Variants in MINK1 observed in about 807,000 individuals in gnomAD.
MINK1 encodes misshapen-like kinase 1.
In MINK1, 46 loss-of-function variants were observed where a neutral mutation model predicts 178.4. That is an observed-to-expected ratio of 0.26 (90% CI 0.20 to 0.33). MINK1 has a LOEUF of 0.33. MINK1 is among the 10% of genes least tolerant of loss of function. MINK1 has a pLI of 1.00. For missense variants in MINK1, 1,366 were observed against 1,814.9 expected, an observed-to-expected ratio of 0.75 and a Z score of 4.49; for synonymous variants, 797 against 709.7, an observed-to-expected ratio of 1.12 and a Z score of -1.96.
At chr17:4,890,804 GT>G in intron 14 of MINK1, 69 bp downstream of exon 14, 1 of 1,524,648 alleles carries the variant, frequency 6.6e-7, no homozygotes, top group Non-Finnish European at 8.9e-7. Context: ...GCCACAAGAA[GT>G]AGTAGTTCAC....
chr17:4,844,605 TG>T, intron 1 of MINK1: 1 of 505,568 alleles, frequency 2.0e-6, no homozygotes, highest in Admixed American at 2.1e-5. Context: ...GGGTTGGCAC[TG>T]GGGAGCACAT....
At chr17:4,870,447 C>T (rs1915721100) in intron 1 of MINK1, among the ~76,000 whole-genome samples, 1 of 151,966 alleles carries the variant, frequency 6.6e-6, no homozygotes, top group Non-Finnish European at 1.5e-5. Context: ...ATTTGCATTT[C>T]TCCTATTATT....
intron 20 of MINK1, 148 bp downstream of exon 20, chr17:4,893,215 TTCCTAACC>T (rs1555542913): frequency 3.1e-6 from 5 of 1,593,310 alleles, no homozygotes; most frequent in Non-Finnish European, 4.3e-6. Flanking sequence ...GTGCTAACCT[TTCCTAACC>T]TCTCTCCTAA....
chr17:4,877,284 C>G (rs936966093), intron 1 of MINK1, among the ~76,000 whole-genome samples: 2 of 152,172 alleles, frequency 1.3e-5, no homozygotes, highest in African/African-American at 4.8e-5. Context: ...GCTCTTGGCC[C>G]AGGGGGAGGA....
At chr17:4,843,142 G>A (rs190353743) in intron 1 of MINK1, among the ~76,000 whole-genome samples, 65 of 152,288 alleles carry the variant, frequency 4.3e-4, no homozygotes, top group Non-Finnish European at 8.4e-4. Context: ...TGAGCCCCAC[G>A]TGTCGAAGCA....
chr17:4,865,596 T>C (rs761588451), intron 1 of MINK1, among the ~76,000 whole-genome samples: 1 of 150,340 alleles, frequency 6.7e-6, no homozygotes, highest in Non-Finnish European at 1.5e-5. Flanking sequence ...AAAAAAACAT[T>C]AAAATAGGCT....
chr17:4,860,831 G>A, intron 1 of MINK1: 7 of 517,956 alleles, frequency 1.4e-5, no homozygotes, highest in Admixed American at 1.9e-5. Context: ...TGCGCGCCAC[G>A]TGCTGGGGAG....
chr17:4,872,330 A>T (rs539465186), intron 1 of MINK1, among the ~76,000 whole-genome samples: 188 of 127,394 alleles, frequency 1.5e-3, no homozygotes, highest in Non-Finnish European at 1.7e-3. Flanking sequence ...ACTAAGTCTT[A>T]AAAAAAAAAA....
At chr17:4,875,242 CCT>C in intron 1 of MINK1, 1 of 514,460 alleles carries the variant, frequency 1.9e-6, no homozygotes, top group Admixed American at 2.0e-5. Flanking sequence ...GTCAGAAAGA[CCT>C]CTTGTTAGCC....
intron 1 of MINK1, among the ~76,000 whole-genome samples, chr17:4,847,692 G>A (rs1388222322): frequency 9.2e-5 from 14 of 152,168 alleles, no homozygotes; most frequent in Admixed American, 9.2e-4. Context: ...TGTATGAGGT[G>A]GTGACTGTGT....
At chr17:4,841,034 G>C (rs1910140574) in intron 1 of MINK1, among the ~76,000 whole-genome samples, 1 of 152,116 alleles carries the variant, frequency 6.6e-6, no homozygotes, top group South Asian at 2.1e-4. Flanking sequence ...GAAGACCTTT[G>C]ACAGAGGAGA....
intron 1 of MINK1, among the ~76,000 whole-genome samples, chr17:4,867,065 C>T (rs1419201466): frequency 2.0e-5 from 1 of 51,280 alleles, no homozygotes; most frequent in African/African-American, 6.5e-5. Context: ...CAGAGTGAGA[C>T]TCGTCTCAAA....
rs996229297 is a variant in MINK1, at chr17:4,886,611, A to G, written c.934A>G (p.Lys312Glu). Reference protein sequence around the residue: ...LKDHIDRSRKKRGEKEETEYE... With the variant: ...LKDHIDRSRKERGEKEETEYE... ...GGACCACATTGACCGATCCCGGAAG[A>G]AGCGGGGTGAGAAAGGTCAGTGGGC... Residue 312 changes from lysine (K) to glutamate (E), a missense_variant, in exon 10 of 32, where the codon AAG (lysine) becomes GAG (glutamate). Coordinates refer to ENST00000355280, the MANE Select transcript of MINK1 (RefSeq NM_153827.5). This position sits in a 1 kb window ranked among gnomAD's most constrained non-coding sequence, Gnocchi z 6.1. 6.3e-7 allele frequency: 1 copy of G among 1,596,656 alleles called. No homozygotes were observed. Among genetic ancestry groups the G allele is most frequent in the Non-Finnish European group, 8.5e-7 (1 of 1,170,528 alleles).
Position 4,892,599 on chromosome 17 carries a change from G to A in MINK1, c.2199-57G>A. The A allele has an allele frequency of 1.9e-6, 3 of 1,548,038 alleles. No homozygotes were observed. The South Asian group carries it at 3.5e-5, about 18-fold the overall frequency. On this transcript the variant is annotated intron_variant, in intron 18 of 31. Coordinates refer to ENST00000355280, the MANE Select transcript of MINK1 (RefSeq NM_153827.5). The stretch of plus-strand genomic sequence containing the variant: ...ATGGCTCCCTCTGCAGTGCAGCTCA[G>A]CACCCCAGAGAAGGGAGCACCGTGC...
intron 1 of MINK1, among the ~76,000 whole-genome samples, chr17:4,847,452 C>T (rs566224155): frequency 3.2e-4 from 48 of 152,302 alleles, no homozygotes; most frequent in African/African-American, 1.1e-3. Flanking sequence ...AAAGCCTATG[C>T]AGTTGCAGGG....
At position 4,891,733 on chromosome 17, in the gene MINK1, A is replaced by T. The variant is rs1968840289; in HGVS notation, c.2001+17A>T. On this transcript the variant is annotated intron_variant, in intron 16 of 31. Transcript: ENST00000355280. Reference sequence around the variant, plus strand: ...CCACCCAAGGTAAGGACAGTTCTGCAGGCCCAGGGAAAAGCAGAGAGCTAG... The same window carrying T: ...CCACCCAAGGTAAGGACAGTTCTGCTGGCCCAGGGAAAAGCAGAGAGCTAG... 2 of 1,589,502 alleles carry T rather than the reference A, an allele frequency of 1.3e-6. No homozygotes were observed. The highest frequency in any genetic ancestry group is 1.3e-5 in the African/African-American group (1 of 74,444).
At chr17:4,864,768 C>T (rs1307561048) in intron 1 of MINK1, among the ~76,000 whole-genome samples, 1 of 152,128 alleles carries the variant, frequency 6.6e-6, no homozygotes, top group Non-Finnish European at 1.5e-5. Context: ...ACAGTGATCT[C>T]TGAGATGGCC....
rs1969410094 is a variant in MINK1 at position 4,895,941 on chromosome 17, C to CG, written c.3365-58dup. ...GGTGGGGCAGTGTAGTGACAGACCA[C>CG]GGGGAGGCGCCCGTGGCGCAAGAAG... On this transcript the variant is annotated intron_variant, in intron 27 of 31. Coordinates refer to ENST00000355280, the MANE Select transcript of MINK1 (RefSeq NM_153827.5). The surrounding 1 kb of genome is among the most constrained non-coding windows in gnomAD (Gnocchi z 4.3). 1 of 1,567,620 alleles carries CG rather than the reference C, an allele frequency of 6.4e-7. No homozygotes were observed. The highest frequency in any genetic ancestry group is 8.6e-7 in the Non-Finnish European group (1 of 1,156,304).
Position 4,863,079 on chromosome 17 carries a change from G to C in MINK1, c.58-15238G>C, listed in dbSNP as rs903411689. ...AAATCCTTCTCACTTCACATGCCAA[G>C]GGAAAAGAAAAGAGAAAAGAAAAAG... On this transcript the variant is annotated intron_variant, in intron 1 of 31. Coordinates refer to ENST00000355280, the MANE Select transcript of MINK1 (RefSeq NM_153827.5). 3.3e-5 allele frequency among the ~76,000 whole-genome samples: 5 copies of C among 152,132 alleles called. No homozygotes were observed. The East Asian group carries it at 9.6e-4, about 29-fold the overall frequency.
Sources: allele counts gnomAD v4.1 joint callset (sites outside exome capture counted in the v4.1 genomes callset), GRCh38; gene constraint gnomAD v4.1.1; non-coding constraint Gnocchi (gnomAD v3.1); transcripts MANE v1.5; gene names NCBI Gene and HGNC (gene_info 2026-07-23, HGNC 2026-07-21).